CCDC61: variants seen among roughly 807,000 people sequenced by gnomAD.
CCDC61 encodes coiled-coil domain containing 61, also known as centrosomal protein CCDC61.
In CCDC61, 55 loss-of-function variants were observed where a neutral mutation model predicts 63.0. The observed-to-expected ratio is 0.87, with a 90% CI of 0.70 to 1.09. The LOEUF (loss-of-function observed/expected upper bound fraction) is 1.09, where lower values mean the gene tolerates loss of function less well. CCDC61 is among the 50% of genes least tolerant of loss of function. CCDC61 has a pLI of 0.00. For missense variants in CCDC61, 651 were observed against 731.4 expected (o/e 0.89, Z 1.27); for synonymous variants, 270 against 317.0 (o/e 0.85, Z 1.58).
rs770369236 is a variant in CCDC61, at chr19:46,018,354, G to T, written c.1506G>T (p.Gln502His). Residue 502 changes from glutamine (Q) to histidine (H), a missense_variant, in exon 14 of 14, where the codon CAG becomes CAT. Coordinates refer to ENST00000595358, the MANE Select transcript of CCDC61 (RefSeq NM_001267723.2). This position sits in a 1 kb window ranked among gnomAD's most constrained non-coding sequence, Gnocchi z 4.2. ...AEIDARLKAL[Q>H]EYMNRLDMRS ...TAGACGCACGCCTGAAGGCCTTGCAGGAGTACATGAACCGACTGGACATGC... is the reference window on the plus strand; with the variant it reads ...TAGACGCACGCCTGAAGGCCTTGCATGAGTACATGAACCGACTGGACATGC... 14 of 1,575,900 alleles carry T rather than the reference G, an allele frequency of 8.9e-6. No individual in the cohort carries two copies. Among genetic ancestry groups the T allele is most frequent in the Non-Finnish European group, 1.2e-5 (14 of 1,161,164 alleles).
At chr19:45,996,985 G>A (rs1213345036) in intron 1 of CCDC61, among the ~76,000 whole-genome samples, 1 of 152,164 alleles carries the variant, frequency 6.6e-6, no homozygotes, top group Admixed American at 6.5e-5. Context: ...CACTGCAAAA[G>A]TCTTCACCAT....
chr19:46,001,700 G>A (rs1968594612), intron 1 of CCDC61, among the ~76,000 whole-genome samples: 1 of 152,242 alleles, frequency 6.6e-6, no homozygotes, highest in African/African-American at 2.4e-5. Context: ...AGGAGGTCTA[G>A]GGCCTACGCC....
intron 3 of CCDC61, among the ~76,000 whole-genome samples, chr19:46,005,371 A>T (rs1968686758): frequency 6.6e-6 from 1 of 152,126 alleles, no homozygotes; most frequent in Admixed American, 6.6e-5. Context: ...TCATCAGTGA[A>T]CTTTTTGTAT....
chr19:45,997,632 C>T (rs1196135872), intron 1 of CCDC61, among the ~76,000 whole-genome samples: 1 of 151,782 alleles, frequency 6.6e-6, no homozygotes. Flanking sequence ...CTCAGGTGAT[C>T]CACCCACCTC....
rs1397007322 is a variant in CCDC61, at chr19:46,016,968, T to C, written c.1232-23T>C. The C allele has an allele frequency of 6.2e-7, 1 of 1,600,734 alleles. No individual in the cohort carries two copies. The highest frequency in any genetic ancestry group is 1.3e-5 in the African/African-American group (1 of 74,738). ...GGGCGGGGCCAGCGAGGGCCAGCGG[T>C]CACGCCCTCCGTCTCCCTCTAGTGG... On this transcript the variant is annotated intron_variant, in intron 10 of 13. Transcript: ENST00000595358. The surrounding 1 kb of genome is among the most constrained non-coding windows in gnomAD (Gnocchi z 7.2).
intron 3 of CCDC61, among the ~76,000 whole-genome samples, chr19:46,006,130 G>A (rs1485473598): frequency 2.0e-5 from 3 of 152,120 alleles, no homozygotes; most frequent in Non-Finnish European, 2.9e-5. Flanking sequence ...AGTACCATTC[G>A]GTGCCAGGGG....
intron 5 of CCDC61, among the ~76,000 whole-genome samples, chr19:46,011,783 G>A (rs932101241): frequency 3.3e-5 from 5 of 152,264 alleles, no homozygotes; most frequent in African/African-American, 1.2e-4. Context: ...TCAGTGCCCT[G>A]GCTGCCCTGT....
chr19:45,999,903 TG>T (rs1968559312), intron 1 of CCDC61: 5 of 388,640 alleles, frequency 1.3e-5, no homozygotes, highest in Non-Finnish European at 1.8e-5. Flanking sequence ...CGTCATGGGT[TG>T]GTGAGGGCGG....
At chr19:46,014,068 A>C (rs954179120) in intron 5 of CCDC61, among the ~76,000 whole-genome samples, 3 of 152,060 alleles carry the variant, frequency 2.0e-5, no homozygotes, top group African/African-American at 7.2e-5. Flanking sequence ...ATTTGTATAA[A>C]ATATTTTTAT....
Position 46,015,937 on chromosome 19 carries a change from C to A in CCDC61, c.846-117C>A, listed in dbSNP as rs941087964. 2.3e-6 allele frequency: 2 copies of A among 879,166 alleles called. No homozygotes were observed. Among genetic ancestry groups the A allele is most frequent in the South Asian group, 5.8e-5 (1 of 17,110 alleles). The allele number at this position is 879,166 out of a possible 1,614,324, so 54.5% of individuals were successfully genotyped here. A position where few individuals can be genotyped will look rare whatever the true frequency, so the allele number is the denominator to read the frequency against. ...AGAGGGTCATGGGCCCAGGAGTGCA[C>A]GTCTAGGAGTTGATGGGGTAGGCCT... On this transcript the variant is annotated intron_variant, in intron 7 of 13. Coordinates refer to ENST00000595358, the MANE Select transcript of CCDC61 (RefSeq NM_001267723.2). The surrounding 1 kb of genome is among the most constrained non-coding windows in gnomAD (Gnocchi z 5.3).
In CCDC61 at chr19:46,015,457, C is replaced by T; in HGVS notation, c.845+30C>T. 1 of 1,277,018 alleles carries T rather than the reference C, an allele frequency of 7.8e-7. No individual in the cohort carries two copies. The allele number at this position is 1,277,018 out of a possible 1,614,324, so 79.1% of individuals were successfully genotyped here. A position where few individuals can be genotyped will look rare whatever the true frequency, so the allele number is the denominator to read the frequency against. On this transcript the variant is annotated intron_variant, in intron 7 of 13. Transcript: ENST00000595358. The surrounding 1 kb of genome is among the most constrained non-coding windows in gnomAD (Gnocchi z 5.3). ...GAGCGAGGCCTGCCAGGCGCCTGGGCGGATGGGCGGGCCCTGAGGGTGTGG... is the reference window on the plus strand; with the variant it reads ...GAGCGAGGCCTGCCAGGCGCCTGGGTGGATGGGCGGGCCCTGAGGGTGTGG...
Position 46,016,334 on chromosome 19 carries a change from C to T in CCDC61, c.1032C>T (p.Arg344=), listed in dbSNP as rs772459920. The T allele has an allele frequency of 1.9e-6, 3 of 1,613,840 alleles. No individual in the cohort carries two copies. The highest frequency in any genetic ancestry group is 2.2e-5 in the South Asian group (2 of 91,090). The change falls in exon 9 of 14, where the codon CGC becomes CGT. Residue 344 remains arginine, a synonymous_variant. Coordinates refer to ENST00000595358, the MANE Select transcript of CCDC61 (RefSeq NM_001267723.2). The surrounding 1 kb of genome is among the most constrained non-coding windows in gnomAD (Gnocchi z 7.2). The part of the protein sequence containing the change: ...SPSPTGGRAL[R]FDPTAFVKAK... ...CCGTCCTAGGTGGTCGCGCGCTCCG[C>T]TTCGACCCCACGGCCTTTGTGAAAG...
intron 5 of CCDC61, among the ~76,000 whole-genome samples, chr19:46,011,011 C>T (rs929469942): frequency 6.6e-6 from 1 of 152,058 alleles, no homozygotes. Flanking sequence ...TATCTAAATA[C>T]GGCTGCACAT....
At chr19:46,005,169 C>T (rs1469008095) in intron 3 of CCDC61, among the ~76,000 whole-genome samples, 1 of 152,048 alleles carries the variant, frequency 6.6e-6, no homozygotes, top group Non-Finnish European at 1.5e-5. Flanking sequence ...CGCCATCATG[C>T]CCGGCTAATT....
At chr19:46,013,985 A>G (rs940278896) in intron 5 of CCDC61, among the ~76,000 whole-genome samples, 14 of 152,086 alleles carry the variant, frequency 9.2e-5, no homozygotes, top group African/African-American at 2.9e-4. Flanking sequence ...CAACTTTGAT[A>G]TAGAGTTAGG....
Position 46,006,690 on chromosome 19 carries a change from C to T in CCDC61, c.363C>T (p.Ile121=), listed in dbSNP as rs755935413. 5 of 1,612,952 alleles carry T rather than the reference C, an allele frequency of 3.1e-6. No homozygotes were observed. The African/African-American group carries it at 5.3e-5, about 17-fold the overall frequency. The change falls in exon 4 of 14, where the codon ATC becomes ATT. Residue 121 remains isoleucine (I), a synonymous_variant. Transcript: ENST00000595358. ...SAQLNSKRYL[I]LIYSVEFDRI... ...AGCTCAACTCCAAGCGCTACCTGAT[C>T]CTCATCTACTCCGTGGAGTTTGACA...
At chr19:46,000,514 A>G (rs2146453632) in intron 1 of CCDC61, among the ~76,000 whole-genome samples, 1 of 151,816 alleles carries the variant, frequency 6.6e-6, no homozygotes, top group Admixed American at 6.6e-5. Flanking sequence ...CGGGGAATGT[A>G]GCATGAGGGT....
Position 46,003,189 on chromosome 19 carries a change from G to A in CCDC61, c.148+23G>A, listed in dbSNP as rs377057292. 5.0e-6 allele frequency: 8 copies of A among 1,591,102 alleles called. No individual in the cohort carries two copies. In the African/African-American group the frequency reaches 1.1e-4, roughly 21 times the overall value. On this transcript the variant is annotated intron_variant, in intron 2 of 13. Coordinates refer to ENST00000595358, the MANE Select transcript of CCDC61 (RefSeq NM_001267723.2). ...GCTGTGAGTGTGCCTGCCTGGGGTGGGCTCACCTTTCCTCTCCTGGGATCA... is the reference window on the plus strand; with the variant it reads ...GCTGTGAGTGTGCCTGCCTGGGGTGAGCTCACCTTTCCTCTCCTGGGATCA...
At chr19:46,011,590 T>C (rs1252676477) in intron 5 of CCDC61, among the ~76,000 whole-genome samples, 2 of 152,204 alleles carry the variant, frequency 1.3e-5, no homozygotes, top group Non-Finnish European at 2.9e-5. Flanking sequence ...TGGCTAACCC[T>C]ATATAGGTTT....
Sources: allele counts gnomAD v4.1 joint callset (sites outside exome capture counted in the v4.1 genomes callset), GRCh38; gene constraint gnomAD v4.1.1; non-coding constraint Gnocchi (gnomAD v3.1); transcripts MANE v1.5; gene names NCBI Gene and HGNC (gene_info 2026-07-23, HGNC 2026-07-21).